Variants in NDST4 observed in about 807,000 individuals in gnomAD.
The protein encoded by NDST4 is N-deacetylase and N-sulfotransferase 4, also known as N-heparan sulfate sulfotransferase 4.
In NDST4, 63 loss-of-function variants were observed where a neutral mutation model predicts 100.8. The observed-to-expected ratio is 0.62, with a 90% confidence interval of 0.51 to 0.77. The LOEUF (loss-of-function observed/expected upper bound fraction) is 0.77, where lower values mean the gene tolerates loss of function less well. NDST4 is among the 30% of genes least tolerant of loss of function. The pLI is 0.00. For synonymous variants in NDST4, 377 were observed against 361.8 expected, an observed-to-expected ratio of 1.04 and a Z score of -0.48; for missense variants, 943 against 1,018.4, an observed-to-expected ratio of 0.93 and a Z score of 1.01.
chr4:114,837,457 T>A (rs572253852), intron 11 of NDST4, among the ~76,000 whole-genome samples: 1 of 152,118 alleles, frequency 6.6e-6, no homozygotes, highest in African/African-American at 2.4e-5. Flanking sequence ...CAAACAAGCA[T>A]GGTACTGGCA....
At chr4:114,958,610 C>T (rs1726192818) in intron 4 of NDST4, among the ~76,000 whole-genome samples, 1 of 152,148 alleles carries the variant, frequency 6.6e-6, no homozygotes, top group South Asian at 2.1e-4. Context: ...CCAGACTGCA[C>T]AAAGCAGCAA....
At position 114,935,346 on chromosome 4, in the gene NDST4, A is replaced by G. The variant is rs1364682314; in HGVS notation, c.1408-12T>C. ...TGTCGAGGGAGGACCTGAGTAAAAA[A>G]GGGGAAAAACAGCACATGGACGTGA... On this transcript the variant is annotated splice_polypyrimidine_tract_variant and intron_variant, in intron 5 of 13. Coordinates refer to ENST00000264363, the MANE Select transcript of NDST4 (RefSeq NM_022569.3). The G allele has an allele frequency of 6.4e-7, 1 of 1,559,292 alleles. No individual in the cohort carries two copies. The highest frequency in any genetic ancestry group is 2.4e-5 in the East Asian group (1 of 41,980).
intron 7 of NDST4, among the ~76,000 whole-genome samples, chr4:114,865,183 G>A: frequency 6.6e-6 from 1 of 151,756 alleles, no homozygotes; most frequent in Non-Finnish European, 1.5e-5. Flanking sequence ...TCCTGCCTCA[G>A]CCTCCCAAGT....
At chr4:115,024,221 C>T (rs1164091547) in intron 2 of NDST4, among the ~76,000 whole-genome samples, 1 of 152,068 alleles carries the variant, frequency 6.6e-6, no homozygotes, top group Non-Finnish European at 1.5e-5. Context: ...TTGAGCAATG[C>T]CTAGTGAAGC....
At chr4:115,102,067 T>G (rs1328989465) in intron 1 of NDST4, among the ~76,000 whole-genome samples, 1 of 152,134 alleles carries the variant, frequency 6.6e-6, no homozygotes, top group Non-Finnish European at 1.5e-5. Context: ...TTTTCTGTAC[T>G]TTTCTGTACA....
chr4:114,939,535 G>A (rs1725702838), intron 4 of NDST4, among the ~76,000 whole-genome samples: 1 of 151,984 alleles, frequency 6.6e-6, no homozygotes, highest in African/African-American at 2.4e-5. Context: ...GGCCTAGAAG[G>A]TTAGATGAAG....
At chr4:115,080,948 G>T (rs943338664) in intron 1 of NDST4, among the ~76,000 whole-genome samples, 2 of 152,080 alleles carry the variant, frequency 1.3e-5, no homozygotes, top group East Asian at 1.9e-4. Flanking sequence ...GATTCGGAGA[G>T]AAATTAAATG....
chr4:115,102,190 G>T (rs1390318490), intron 1 of NDST4, among the ~76,000 whole-genome samples: 1 of 151,968 alleles, frequency 6.6e-6, no homozygotes, highest in African/African-American at 2.4e-5. Flanking sequence ...GTATTGATTT[G>T]CATCCTTGCT....
intron 1 of NDST4, among the ~76,000 whole-genome samples, chr4:115,094,440 T>G (rs1729581005): frequency 6.6e-6 from 1 of 151,760 alleles, no homozygotes; most frequent in South Asian, 2.1e-4. Flanking sequence ...TAATAAATAA[T>G]AAGAGAAAAC....
chr4:114,984,108 G>A (rs1726843554), intron 2 of NDST4, among the ~76,000 whole-genome samples: 2 of 151,830 alleles, frequency 1.3e-5, no homozygotes, highest in South Asian at 2.1e-4. Flanking sequence ...TTGAGTCTTG[G>A]ATATGTCTTT....
At chr4:114,854,406 T>C (rs1239958189) in intron 7 of NDST4, among the ~76,000 whole-genome samples, 1 of 152,246 alleles carries the variant, frequency 6.6e-6, no homozygotes, top group Non-Finnish European at 1.5e-5. Flanking sequence ...CTTCCAAATC[T>C]TGGCTATTGT....
chr4:115,076,417 G>T lies in NDST4; in HGVS notation c.620C>A (p.Ala207Asp). 2 of 1,613,952 alleles carry T rather than the reference G, an allele frequency of 1.2e-6. No homozygotes were observed. The highest frequency in any genetic ancestry group is 1.7e-6 in the Non-Finnish European group (2 of 1,179,952). Residue 207 changes from alanine to aspartate, a missense_variant, in exon 2 of 14, where the codon GCC becomes GAC. Physicochemically the swap from Ala to Asp is moderately radical, Grantham distance 126 (BLOSUM62 -2). Transcript: ENST00000264363. ...AAGAGGGCCTTTCTCAACCTTGGGG[G>T]CTTTGGTAATATGCAGCAAAGGAGA... The part of the protein sequence containing the change: ...PQSPLLHITK[A>D]PKVEKGPLPG...
At chr4:114,887,099 G>A (rs1724495133) in intron 6 of NDST4, among the ~76,000 whole-genome samples, 1 of 152,106 alleles carries the variant, frequency 6.6e-6, no homozygotes. Flanking sequence ...AACAAAAGAG[G>A]CTAATGTGAA....
intron 1 of NDST4, among the ~76,000 whole-genome samples, chr4:115,102,795 A>T (rs1578522976): frequency 7.5e-6 from 1 of 134,020 alleles, no homozygotes; most frequent in Middle Eastern, 4.6e-3. Flanking sequence ...TGCAACCTCC[A>T]CCTCCCGGGT....
intron 9 of NDST4, among the ~76,000 whole-genome samples, chr4:114,846,292 A>G (rs926942447): frequency 6.6e-6 from 1 of 152,192 alleles, no homozygotes; most frequent in Non-Finnish European, 1.5e-5. Flanking sequence ...TAAAACTCCA[A>G]TTCCAGAAAT....
At chr4:114,959,431 G>C (rs950340594) in intron 4 of NDST4, among the ~76,000 whole-genome samples, 1 of 152,142 alleles carries the variant, frequency 6.6e-6, no homozygotes, top group African/African-American at 2.4e-5. Flanking sequence ...TCACATGGCT[G>C]AGAAAGCCTT....
chr4:115,049,734 A>G (rs1728543996), intron 2 of NDST4, among the ~76,000 whole-genome samples: 2 of 152,116 alleles, frequency 1.3e-5, no homozygotes, highest in Admixed American at 1.3e-4. Flanking sequence ...AATTTGGATG[A>G]TGAGGGCCAG....
chr4:114,986,793 C>CATACATATATATATATATATATATAT (rs1553959380), intron 2 of NDST4, among the ~76,000 whole-genome samples: 3 of 91,148 alleles, frequency 3.3e-5, no homozygotes, highest in African/African-American at 1.4e-4. Context: ...TCCAATTATA[C>CATACATATATATATATATATATATAT]ATATATATAT....
intron 2 of NDST4, among the ~76,000 whole-genome samples, chr4:114,993,320 T>C (rs1444099083): frequency 6.6e-6 from 1 of 151,942 alleles, no homozygotes; most frequent in Non-Finnish European, 1.5e-5. Context: ...TAGTTGTGCA[T>C]TTCTTCATGT....
Sources: allele counts gnomAD v4.1 joint callset (sites outside exome capture counted in the v4.1 genomes callset), GRCh38; gene constraint gnomAD v4.1.1; transcripts MANE v1.5; gene names NCBI Gene and HGNC (gene_info 2026-07-23, HGNC 2026-07-21).